MEIS1: variants seen among roughly 807,000 people sequenced by gnomAD.
MEIS1 encodes the protein Meis homeobox 1.
Under a neutral mutation model 50.8 loss-of-function variants are expected in MEIS1, and 5 were observed. That is an observed-to-expected ratio of 0.10 (90% CI 0.05 to 0.21). MEIS1 has a LOEUF of 0.21. Among genes scored for constraint, MEIS1 ranks in the 10% least tolerant of loss-of-function variants. The probability of loss-of-function intolerance (pLI) is 1.00; values close to 1 mark genes in which losing one functional copy is unlikely to be tolerated. For missense variants in MEIS1, 318 were observed against 517.3 expected, an observed-to-expected ratio of 0.61 and a Z score of 3.74; for synonymous variants, 176 against 179.3, an observed-to-expected ratio of 0.98 and a Z score of 0.15.
At chr2:66,444,167 C>T (rs1372402596) in intron 6 of MEIS1, among the ~76,000 whole-genome samples, 2 of 151,878 alleles carry the variant, frequency 1.3e-5, no homozygotes, top group African/African-American at 2.4e-5. Flanking sequence ...CTGCTCTGCA[C>T]CCTCCCACCC....
At chr2:66,501,118 A>C (rs1673544149) in intron 7 of MEIS1, among the ~76,000 whole-genome samples, 1 of 152,118 alleles carries the variant, frequency 6.6e-6, no homozygotes, top group South Asian at 2.1e-4. Flanking sequence ...TATTTTGGGG[A>C]GCATATTATG....
intron 7 of MEIS1, among the ~76,000 whole-genome samples, chr2:66,511,747 C>G (rs1673835232): frequency 6.6e-6 from 1 of 152,208 alleles, no homozygotes; most frequent in African/African-American, 2.4e-5. Context: ...AAGTCAATGT[C>G]AATGACTGTG....
intron 8 of MEIS1, among the ~76,000 whole-genome samples, chr2:66,522,113 G>A (rs770335000): frequency 2.0e-5 from 3 of 152,206 alleles, no homozygotes; most frequent in Non-Finnish European, 2.9e-5. Flanking sequence ...TGATCTTTCC[G>A]TTGGAGAAAT....
chr2:66,568,386 T>G, intron 10 of MEIS1: 1 of 321,892 alleles, frequency 3.1e-6, no homozygotes, highest in Non-Finnish European at 5.9e-6. Context: ...CTCCTGTAAC[T>G]TTTTTTCTTC....
chr2:66,435,732 T>A lies in MEIS1; in HGVS notation c.-125T>A, dbSNP rs1671782110. 2.1e-6 allele frequency: 2 copies of A among 932,332 alleles called. No homozygotes were observed. The highest frequency in any genetic ancestry group is 3.4e-5 in the South Asian group (2 of 59,218). The allele number at this position is 932,332 out of a possible 1,614,324, so 57.8% of individuals were successfully genotyped here. A position where few individuals can be genotyped will look rare whatever the true frequency, so the allele number is the denominator to read the frequency against. ...CACGTTGCTGGAGACGTTAAGGGATTTTTCGTCGTGCTTTTTTTTTTTTTT... is the reference window on the plus strand; with the variant it reads ...CACGTTGCTGGAGACGTTAAGGGATATTTCGTCGTGCTTTTTTTTTTTTTT... On this transcript the variant is annotated 5_prime_UTR_variant, in exon 1 of 13. Coordinates refer to ENST00000272369, the MANE Select transcript of MEIS1 (RefSeq NM_002398.3).
At chr2:66,500,986 T>C (rs1673540262) in intron 7 of MEIS1, among the ~76,000 whole-genome samples, 1 of 152,192 alleles carries the variant, frequency 6.6e-6, no homozygotes, top group Non-Finnish European at 1.5e-5. Flanking sequence ...TGTGAGCATA[T>C]GTGTGTGTAT....
intron 8 of MEIS1, among the ~76,000 whole-genome samples, chr2:66,520,713 G>A (rs1023829363): frequency 1.3e-5 from 2 of 152,184 alleles, no homozygotes; most frequent in African/African-American, 4.8e-5. Flanking sequence ...TAATATGTAT[G>A]TATGTAGTGC....
At chr2:66,521,248 T>C (rs1049040169) in intron 8 of MEIS1, among the ~76,000 whole-genome samples, 3 of 152,262 alleles carry the variant, frequency 2.0e-5, no homozygotes, top group African/African-American at 7.2e-5. Flanking sequence ...TATGTAATTC[T>C]CTACCCATGT....
intron 9 of MEIS1, among the ~76,000 whole-genome samples, chr2:66,550,712 G>C (rs1188764576): frequency 6.6e-6 from 1 of 151,846 alleles, no homozygotes; most frequent in African/African-American, 2.4e-5. Flanking sequence ...TGCCCAGGCT[G>C]GTCTCTAACT....
chr2:66,536,824 G>A (rs2080388), intron 8 of MEIS1, among the ~76,000 whole-genome samples: 1 of 152,118 alleles, frequency 6.6e-6, no homozygotes, highest in African/African-American at 2.4e-5. Flanking sequence ...CTTTGGGATG[G>A]AACTTTTAGC....
intron 7 of MEIS1, among the ~76,000 whole-genome samples, chr2:66,492,327 G>A (rs1021113373): frequency 6.6e-6 from 1 of 152,052 alleles, no homozygotes; most frequent in African/African-American, 2.4e-5. Flanking sequence ...TGTGCCTGCA[G>A]ATTGTTTGGG....
chr2:66,571,370 C>A lies in MEIS1; in HGVS notation c.*162C>A, dbSNP rs981986965. The A allele has an allele frequency of 6.9e-6, 11 of 1,602,452 alleles. No individual in the cohort carries two copies. The highest frequency in any genetic ancestry group is 1.7e-5 in the Admixed American group (1 of 57,742). ...CTGCTCAGCTGCGTCATGGGCCCCC[C>A]ATGCATACGTACATTCCTGGACACC... On this transcript the variant is annotated 3_prime_UTR_variant, in exon 13 of 13. Coordinates refer to ENST00000272369, the MANE Select transcript of MEIS1 (RefSeq NM_002398.3).
At chr2:66,534,215 A>G (rs1007979259) in intron 8 of MEIS1, among the ~76,000 whole-genome samples, 2 of 152,188 alleles carry the variant, frequency 1.3e-5, no homozygotes, top group African/African-American at 4.8e-5. Context: ...ATCTAACTAA[A>G]TTGATACACT....
chr2:66,466,713 G>A (rs1306258341), intron 7 of MEIS1, among the ~76,000 whole-genome samples: 2 of 151,890 alleles, frequency 1.3e-5, no homozygotes, highest in Non-Finnish European at 2.9e-5. Flanking sequence ...TAGTCAACTG[G>A]GTAAATAACA....
Position 66,547,988 on chromosome 2 carries a change from A to G in MEIS1, c.934A>G (p.Thr312Ala). ...ACAGAAAAAGCAGTTGGCACAAGACACGGGACTCACCATCCTTCAAGTGAA... is the reference window on the plus strand; with the variant it reads ...ACAGAAAAAGCAGTTGGCACAAGACGCGGGACTCACCATCCTTCAAGTGAA... ...EEQKKQLAQD[T>A]GLTILQVNNW... is the part of the protein sequence containing the mutation. Residue 312 changes from threonine (T) to alanine (A), a missense_variant, in exon 9 of 13, where the codon ACG becomes GCG. Physicochemically the swap from Thr to Ala is moderately conservative, Grantham distance 58. This residue lies in a region of MEIS1 where 40 missense variants were observed against 102.8 expected (regional missense o/e 0.39). Transcript: ENST00000272369. The G allele has an allele frequency of 6.2e-7, 1 of 1,613,128 alleles. No homozygotes were observed. Among genetic ancestry groups the G allele is most frequent in the South Asian group, 1.1e-5 (1 of 91,026 alleles).
chr2:66,502,031 G>C (rs1020102108), intron 7 of MEIS1, among the ~76,000 whole-genome samples: 2 of 152,148 alleles, frequency 1.3e-5, no homozygotes, highest in African/African-American at 4.8e-5. Flanking sequence ...TAGTAAAGAA[G>C]TTATTCCACA....
chr2:66,484,293 AT>A (rs1285475556), intron 7 of MEIS1, among the ~76,000 whole-genome samples: 2 of 152,150 alleles, frequency 1.3e-5, no homozygotes, highest in African/African-American at 4.8e-5. Context: ...TCTCTGCCTC[AT>A]CTGGTTATGT....
Position 66,437,597 on chromosome 2 carries a change from C to G in MEIS1, c.13-140C>G, listed in dbSNP as rs1299925613. 1.9e-5 allele frequency: 13 copies of G among 689,038 alleles called. No individual in the cohort carries two copies. In the East Asian group the frequency reaches 3.3e-4, roughly 17 times the overall value. The allele number at this position is 689,038 out of a possible 1,614,324, so 42.7% of individuals were successfully genotyped here. A position where few individuals can be genotyped will look rare whatever the true frequency, so the allele number is the denominator to read the frequency against. On this transcript the variant is annotated intron_variant, in intron 1 of 12. Coordinates refer to ENST00000272369, the MANE Select transcript of MEIS1 (RefSeq NM_002398.3). ...CTTTAATTTTAAAATAAGAAAAACT[C>G]AGCTTTATAGATGCAAGGCCACCGA...
At chr2:66,486,174 T>C (rs979107588) in intron 7 of MEIS1, among the ~76,000 whole-genome samples, 3 of 152,234 alleles carry the variant, frequency 2.0e-5, no homozygotes, top group Non-Finnish European at 4.4e-5. Flanking sequence ...TCTTTGCCCA[T>C]GCCAGTGTCC....
Sources: allele counts gnomAD v4.1 joint callset (sites outside exome capture counted in the v4.1 genomes callset), GRCh38; gene constraint gnomAD v4.1.1; regional missense constraint gnomAD v4.1.1; transcripts MANE v1.5; gene names NCBI Gene and HGNC (gene_info 2026-07-23, HGNC 2026-07-21).